The following HERC4 variants were observed in gnomAD, a reference collection of about 807,000 sequenced individuals.
HERC4 encodes the protein probable E3 ubiquitin-protein ligase HERC4.
A neutral mutation model predicts 124.3 loss-of-function variants in HERC4; 28 were observed. The ratio of observed to expected loss-of-function variants is 0.23; its 90% CI spans 0.17 to 0.31. The LOEUF is 0.31. Ranked by LOEUF, HERC4 falls within the 10% of genes least tolerant of loss-of-function variation. The pLI, the probability that HERC4 is intolerant of heterozygous loss-of-function variation, is 1.00. For synonymous variants in HERC4, 407 were observed against 421.5 expected, an observed-to-expected ratio of 0.97 and a Z score of 0.42; for missense variants, 713 against 1,229.3, an observed-to-expected ratio of 0.58 and a Z score of 6.28.
chr10:67,947,525 C>G (rs896912886), intron 19 of HERC4, among the ~76,000 whole-genome samples: 13 of 151,910 alleles, frequency 8.6e-5, no homozygotes, highest in African/African-American at 3.1e-4. Flanking sequence ...CTTTAATATC[C>G]CACTATCATT....
At chr10:68,033,221 C>T (rs1245351765) in intron 6 of HERC4, among the ~76,000 whole-genome samples, 17 of 151,700 alleles carry the variant, frequency 1.1e-4, no homozygotes. Context: ...ACTTAAAAGC[C>T]TGGAAAAAAA....
chr10:68,040,141 A>G (rs2039687796), intron 4 of HERC4: 1 of 972,982 alleles, frequency 1.0e-6, no homozygotes, highest in South Asian at 4.8e-5. Flanking sequence ...TGGAGGCTTT[A>G]GTATTAGTCA....
At chr10:67,926,562 T>C (rs1418942329) in intron 23 of HERC4, among the ~76,000 whole-genome samples, 2 of 152,198 alleles carry the variant, frequency 1.3e-5, no homozygotes, top group African/African-American at 4.8e-5. Flanking sequence ...CCTTTGGACA[T>C]ACTGTTCCCT....
chr10:68,061,878 T>TA (rs1721139532), intron 3 of HERC4, among the ~76,000 whole-genome samples: 1 of 43,506 alleles, frequency 2.3e-5, no homozygotes, highest in Admixed American at 2.4e-4. Context: ...GAGACTCCAT[T>TA]TAAAAAAAAA....
chr10:68,052,149 T>C (rs2040348039), intron 3 of HERC4, among the ~76,000 whole-genome samples: 1 of 152,212 alleles, frequency 6.6e-6, no homozygotes, highest in South Asian at 2.1e-4. Flanking sequence ...GAATTCATTT[T>C]TCAGAGACAT....
At chr10:67,951,421 A>C (rs1329818586) in intron 19 of HERC4, among the ~76,000 whole-genome samples, 1 of 152,200 alleles carries the variant, frequency 6.6e-6, no homozygotes, top group Non-Finnish European at 1.5e-5. Flanking sequence ...GGTTATCCCT[A>C]AACCCACATC....
chr10:68,010,810 C>A (rs2037904510), intron 9 of HERC4: 9 of 1,528,882 alleles, frequency 5.9e-6, no homozygotes, highest in Non-Finnish European at 7.2e-6. Context: ...CCAGGGTGAT[C>A]CTCTTCTGCT....
At chr10:68,042,290 A>T (rs2039809960) in intron 4 of HERC4, among the ~76,000 whole-genome samples, 1 of 152,030 alleles carries the variant, frequency 6.6e-6, no homozygotes, top group South Asian at 2.1e-4. Context: ...TACAGGCGTG[A>T]GCCACTATGC....
intron 3 of HERC4, among the ~76,000 whole-genome samples, chr10:68,064,478 T>C (rs1021300464): frequency 2.8e-4 from 38 of 137,872 alleles, no homozygotes; most frequent in African/African-American, 1.0e-3. Flanking sequence ...CATCTGAACC[T>C]GGGAGGCGGA....
chr10:68,064,506 A>G (rs2041197987), intron 3 of HERC4, among the ~76,000 whole-genome samples: 1 of 146,396 alleles, frequency 6.8e-6, no homozygotes. Context: ...GTGAGCCAAG[A>G]TGGCACCACT....
At chr10:68,072,798 TACA>T (rs2041635702) in intron 3 of HERC4, 82 bp downstream of exon 3, 1 of 933,054 alleles carries the variant, frequency 1.1e-6, no homozygotes. Context: ...AACATATAGT[TACA>T]ACTAGAGAAA....
chr10:67,966,881 G>A lies in HERC4; in HGVS notation c.1807-79C>T, dbSNP rs2034898247. The stretch of plus-strand genomic sequence containing the variant: ...AATTTTTTTTATTTTTTGAGACGGA[G>A]TCTCACTCTGTCAACCAGGCTGGAG... On this transcript the variant is annotated intron_variant, in intron 15 of 24. Coordinates refer to ENST00000373700, the MANE Select transcript of HERC4 (RefSeq NM_015601.4). The A allele has an allele frequency of 1.1e-5, 12 of 1,086,284 alleles. 1 individual carries two copies. In the South Asian group the frequency reaches 2.2e-4, roughly 20 times the overall value. 67.3% of individuals were successfully genotyped at this position (1,086,284 alleles called of 1,614,324 possible). A position where few individuals can be genotyped will look rare whatever the true frequency, so the allele number is the denominator to read the frequency against.
intron 7 of HERC4, 138 bp downstream of exon 7, chr10:68,032,638 TAA>T (rs1022367791): frequency 8.9e-6 from 5 of 563,988 alleles, no homozygotes; most frequent in South Asian, 5.3e-5. Context: ...AAGAATAATC[TAA>T]GTCTTTTTTC....
intron 19 of HERC4, among the ~76,000 whole-genome samples, chr10:67,953,455 G>C (rs2033943431): frequency 6.6e-6 from 1 of 152,060 alleles, no homozygotes; most frequent in Admixed American, 6.5e-5. Context: ...GATAAGTCTG[G>C]AACATTCTGT....
At position 68,073,177 on chromosome 10, in the gene HERC4, T is replaced by C; in HGVS notation, c.-69A>G. 8.2e-7 allele frequency: 1 copy of C among 1,222,088 alleles called. No individual in the cohort carries two copies. Among genetic ancestry groups the C allele is most frequent in the Admixed American group, 2.0e-5 (1 of 50,482 alleles). The allele number at this position is 1,222,088 out of a possible 1,614,324, so 75.7% of individuals were successfully genotyped here. On this transcript the variant is annotated 5_prime_UTR_variant, in exon 3 of 25. Transcript: ENST00000373700. Reference sequence around the variant, plus strand: ...TTCTGAAACCCCGGAAAGTTGGAGGTACCCTATGTCTGAGGAAATAGAAAG... The same window carrying C: ...TTCTGAAACCCCGGAAAGTTGGAGGCACCCTATGTCTGAGGAAATAGAAAG...
intron 15 of HERC4, among the ~76,000 whole-genome samples, chr10:67,973,661 A>G (rs2132535922): frequency 6.6e-6 from 1 of 152,338 alleles, no homozygotes; most frequent in Admixed American, 6.5e-5. Context: ...AAGTCTCTAG[A>G]TAAGAATTCA....
intron 19 of HERC4, 54 bp downstream of exon 19, chr10:67,954,541 G>A: frequency 7.0e-7 from 1 of 1,435,676 alleles, no homozygotes; most frequent in Non-Finnish European, 9.6e-7. Flanking sequence ...ATACATACAG[G>A]TATAAATACA....
intron 3 of HERC4, among the ~76,000 whole-genome samples, chr10:68,045,523 T>C (rs1399797957): frequency 6.6e-6 from 1 of 152,190 alleles, no homozygotes; most frequent in Non-Finnish European, 1.5e-5. Context: ...AGTTAAAATA[T>C]GTTCAATTTT....
chr10:67,930,750 C>T (rs1345425979), intron 23 of HERC4, among the ~76,000 whole-genome samples: 1 of 152,194 alleles, frequency 6.6e-6, no homozygotes, highest in Non-Finnish European at 1.5e-5. Context: ...TCTAACCTTG[C>T]ACTTTCTGTC....
Sources: gnomAD v4.1 joint callset for allele counts (sites outside exome capture counted in the v4.1 genomes callset) on GRCh38, gnomAD v4.1.1 for gene constraint, MANE v1.5 for transcripts, NCBI Gene and HGNC (gene_info 2026-07-23, HGNC 2026-07-21) for gene names.